The following MLF2 variants were observed in gnomAD, a reference collection of about 807,000 sequenced individuals.
MLF2 encodes myeloid leukemia factor 2.
MLF2 carries 12 observed loss-of-function variants against 31.4 expected under a neutral mutation model. The observed-to-expected ratio is 0.38, with a 90% CI of 0.24 to 0.62. The LOEUF (loss-of-function observed/expected upper bound fraction) is 0.62, where lower values mean the gene tolerates loss of function less well. Ranked by LOEUF, MLF2 falls within the 20% of genes least tolerant of loss-of-function variation. The pLI is 0.58. For missense variants in MLF2, 272 were observed against 359.7 expected (o/e 0.76, Z 1.97); for synonymous variants, 109 against 118.8 (o/e 0.92, Z 0.54).
chr12:6,749,159 G>A lies in MLF2; in HGVS notation c.560-177C>T, dbSNP rs74338185. On this transcript the variant is annotated intron_variant, in intron 7 of 8. Transcript: ENST00000203630. The surrounding 1 kb of genome is among the most constrained non-coding windows in gnomAD (Gnocchi z 5.3). The stretch of plus-strand genomic sequence containing the variant: ...TTCTGCACGGTCCCAGGAAGCCACC[G>A]GTAGGCGTAAGGTGGCCTACTGGAG... Among the ~76,000 whole-genome samples the A allele has an allele frequency of 3.6e-3, 541 of 152,362 alleles. 3 individuals are homozygous for A. Among genetic ancestry groups the A allele is most frequent in the Middle Eastern group, 0.02 (6 of 294 alleles).
chr12:6,752,250 G>A lies in MLF2; in HGVS notation c.50+35C>T, dbSNP rs1207008525. 1 of 1,556,988 alleles carries A rather than the reference G, an allele frequency of 6.4e-7. No individual in the cohort carries two copies. The highest frequency in any genetic ancestry group is 1.2e-5 in the South Asian group (1 of 84,770). Reference sequence around the variant, plus strand: ...GTCTGCCTGAACTGCTCAGAGACCTGGAGTGGGAGAGCTTGAGGGGGAGGG... The same window carrying A: ...GTCTGCCTGAACTGCTCAGAGACCTAGAGTGGGAGAGCTTGAGGGGGAGGG... On this transcript the variant is annotated intron_variant, in intron 2 of 8. Transcript: ENST00000203630. The surrounding 1 kb of genome is among the most constrained non-coding windows in gnomAD (Gnocchi z 4.6).
rs1941641160 is a variant in MLF2 at position 6,753,067 on chromosome 12, C to G, written c.-157G>C. The G allele has an allele frequency of 2.6e-6, 1 of 385,130 alleles. No individual in the cohort carries two copies. Among genetic ancestry groups the G allele is most frequent in the Non-Finnish European group, 4.6e-6 (1 of 217,970 alleles). 23.9% of individuals were successfully genotyped at this position (385,130 alleles called of 1,614,324 possible). On this transcript the variant is annotated 5_prime_UTR_variant, in exon 1 of 9. Transcript: ENST00000203630. ...AGCTCCTCGGCCTTCCACGCCGCCT[C>G]CTCCCACAGCTGCCACCTCCGTACG...
chr12:6,749,091 G>A lies in MLF2; in HGVS notation c.560-109C>T, dbSNP rs987965443. 46 of 1,190,276 alleles carry A rather than the reference G, an allele frequency of 3.9e-5. No individual in the cohort carries two copies. The highest frequency in any genetic ancestry group is 2.4e-4 in the Admixed American group (7 of 29,652). The allele number at this position is 1,190,276 out of a possible 1,614,324, so 73.7% of individuals were successfully genotyped here. A position where few individuals can be genotyped will look rare whatever the true frequency, so the allele number is the denominator to read the frequency against. The stretch of plus-strand genomic sequence containing the variant: ...CCAAAGCGGCGAAGGCTGAGTGTGC[G>A]TGCAGGGATGGGTGGGGTGGCAATT... On this transcript the variant is annotated intron_variant, in intron 7 of 8. Coordinates refer to ENST00000203630, the MANE Select transcript of MLF2 (RefSeq NM_001382226.1). This position sits in a 1 kb window ranked among gnomAD's most constrained non-coding sequence, Gnocchi z 5.3.
rs1308221112 is a variant in MLF2, at chr12:6,749,378, G to A, written c.560-396C>T. On this transcript the variant is annotated intron_variant, in intron 7 of 8. Transcript: ENST00000203630. This position sits in a 1 kb window ranked among gnomAD's most constrained non-coding sequence, Gnocchi z 5.3. ...CCTCACAAAGACACCGCCAGCACCT[G>A]ACTCCGCCCGAGCGGAGGAGGCTCC... Among the ~76,000 whole-genome samples, 1 of 152,230 alleles carries A rather than the reference G, an allele frequency of 6.6e-6. No individual in the cohort carries two copies. The highest frequency in any genetic ancestry group is 1.5e-5 in the Non-Finnish European group (1 of 68,040).
rs772514018 is a variant in MLF2 at position 6,750,040 on chromosome 12, G to A, written c.400-33C>T. ...GAGGCAGAACGTGGCACACTCAGCC[G>A]CCCCTTCCAAAGCCCTGCCTATACC... On this transcript the variant is annotated intron_variant, in intron 6 of 8. Coordinates refer to ENST00000203630, the MANE Select transcript of MLF2 (RefSeq NM_001382226.1). The surrounding 1 kb of genome is among the most constrained non-coding windows in gnomAD (Gnocchi z 5.3). The A allele has an allele frequency of 1.4e-5, 23 of 1,612,916 alleles. No homozygotes were observed. Among genetic ancestry groups the A allele is most frequent in the African/African-American group, 1.2e-4 (9 of 74,908 alleles).
rs1046753999 is a variant in MLF2 at position 6,749,130 on chromosome 12, T to C, written c.560-148A>G. The C allele has an allele frequency of 1.1e-6, 1 of 870,176 alleles. No homozygotes were observed. Among genetic ancestry groups the C allele is most frequent in the Non-Finnish European group, 1.7e-6 (1 of 597,992 alleles). 53.9% of individuals were successfully genotyped at this position (870,176 alleles called of 1,614,324 possible). A position where few individuals can be genotyped will look rare whatever the true frequency, so the allele number is the denominator to read the frequency against. On this transcript the variant is annotated intron_variant, in intron 7 of 8. Coordinates refer to ENST00000203630, the MANE Select transcript of MLF2 (RefSeq NM_001382226.1). The surrounding 1 kb of genome is among the most constrained non-coding windows in gnomAD (Gnocchi z 5.3). ...GGGGTGGCAATTCCCTTAGCTCTTT[T>C]GGTTTCTGCACGGTCCCAGGAAGCC... is the stretch of plus-strand genomic sequence containing the variant.
intron 4 of MLF2, 63 bp downstream of exon 4, chr12:6,751,578 G>C: frequency 6.5e-7 from 1 of 1,546,482 alleles, no homozygotes; most frequent in Non-Finnish European, 8.9e-7. Flanking sequence ...GCACATTTGG[G>C]AATAATATCT....
Position 6,749,060 on chromosome 12 carries a change from T to G in MLF2, c.560-78A>C. The G allele has an allele frequency of 1.4e-6, 2 of 1,428,586 alleles. No individual in the cohort carries two copies. The highest frequency in any genetic ancestry group is 1.8e-6 in the Non-Finnish European group (2 of 1,082,420). 88.5% of individuals were successfully genotyped at this position (1,428,586 alleles called of 1,614,324 possible). A position where few individuals can be genotyped will look rare whatever the true frequency, so the allele number is the denominator to read the frequency against. On this transcript the variant is annotated intron_variant, in intron 7 of 8. Transcript: ENST00000203630. The surrounding 1 kb of genome is among the most constrained non-coding windows in gnomAD (Gnocchi z 5.3). ...CCGATGTGCGAGCGAGCCACAGCTT[T>G]TCGGGCCAAAGCGGCGAAGGCTGAG...
In MLF2 at chr12:6,750,707, T is replaced by A. The variant is rs1389684977; in HGVS notation, c.270+6A>T. 3 of 1,613,906 alleles carry A rather than the reference T, an allele frequency of 1.9e-6. No individual in the cohort carries two copies. Among genetic ancestry groups the A allele is most frequent in the Non-Finnish European group, 1.7e-6 (2 of 1,179,860 alleles). On this transcript the variant is annotated splice_donor_region_variant and intron_variant, in intron 5 of 8. Transcript: ENST00000203630. This position sits in a 1 kb window ranked among gnomAD's most constrained non-coding sequence, Gnocchi z 5.3. Reference sequence around the variant, plus strand: ...AGGCCGGGGAAGGGTATGGGGCAAGTCTCACCATGTTTCCAATCATGTCAT... The same window carrying A: ...AGGCCGGGGAAGGGTATGGGGCAAGACTCACCATGTTTCCAATCATGTCAT...
chr12:6,748,828 G>T lies in MLF2; in HGVS notation c.714C>A (p.Ser238=). Residue 238 remains serine (S), a synonymous_variant, in exon 8 of 9, where the codon TCC becomes TCA. Transcript: ENST00000203630. The surrounding 1 kb of genome is among the most constrained non-coding windows in gnomAD (Gnocchi z 4.6). ...PRLAIQGPED[S]PSRQSRRYDW is the part of the protein sequence containing the mutation. ...CATAGCGGCGGGACTGTCGGGAAGG[G>T]GAGTCCTCAGGTCCCTGGATGGCCA... 1 of 1,554,648 alleles carries T rather than the reference G, an allele frequency of 6.4e-7. No homozygotes were observed. Among genetic ancestry groups the T allele is most frequent in the Non-Finnish European group, 8.6e-7 (1 of 1,158,524 alleles).
At position 6,750,091 on chromosome 12, in the gene MLF2, A is replaced by C; in HGVS notation, c.400-84T>G. ...ATCTCAGGATAAACACACCACACAC[A>C]ACCCAATCCGGAAAAAAGCAGCCAG... is the stretch of plus-strand genomic sequence containing the variant. On this transcript the variant is annotated intron_variant, in intron 6 of 8. Coordinates refer to ENST00000203630, the MANE Select transcript of MLF2 (RefSeq NM_001382226.1). This position sits in a 1 kb window ranked among gnomAD's most constrained non-coding sequence, Gnocchi z 5.3. 1 of 1,611,746 alleles carries C rather than the reference A, an allele frequency of 6.2e-7. No homozygotes were observed. Among genetic ancestry groups the C allele is most frequent in the Non-Finnish European group, 8.5e-7 (1 of 1,178,406 alleles).
intron 4 of MLF2, chr12:6,751,005 C>T (rs1419536816): frequency 2.0e-6 from 1 of 505,136 alleles, no homozygotes; most frequent in African/African-American, 1.9e-5. Context: ...CCTTCTCCTG[C>T]TTGCTATATT....
intron 4 of MLF2, 90 bp downstream of exon 4, chr12:6,751,551 G>A (rs1033271177): frequency 2.0e-5 from 28 of 1,426,480 alleles, no homozygotes; most frequent in Admixed American, 1.4e-4. Flanking sequence ...GGTTACTCAT[G>A]AAACTATTCC....
In MLF2 at chr12:6,750,118, G is replaced by A. The variant is rs201409108; in HGVS notation, c.399+59C>T. 1.0e-4 allele frequency: 167 copies of A among 1,613,016 alleles called. No homozygotes were observed. Among genetic ancestry groups the A allele is most frequent in the Middle Eastern group, 1.6e-4 (1 of 6,082 alleles). ...CCCAATCCGGAAAAAAGCAGCCAGG[G>A]TTTCTGGCGGTGCCGCTCAATCCTA... On this transcript the variant is annotated intron_variant, in intron 6 of 8. Coordinates refer to ENST00000203630, the MANE Select transcript of MLF2 (RefSeq NM_001382226.1). The surrounding 1 kb of genome is among the most constrained non-coding windows in gnomAD (Gnocchi z 5.3).
rs905601557 is a variant in MLF2 at position 6,749,075 on chromosome 12, C to T, written c.560-93G>A. 21 of 1,357,772 alleles carry T rather than the reference C, an allele frequency of 1.5e-5. No homozygotes were observed. The highest frequency in any genetic ancestry group is 3.2e-5 in the Admixed American group (1 of 30,912). The allele number at this position is 1,357,772 out of a possible 1,614,324, so 84.1% of individuals were successfully genotyped here. On this transcript the variant is annotated intron_variant, in intron 7 of 8. Coordinates refer to ENST00000203630, the MANE Select transcript of MLF2 (RefSeq NM_001382226.1). This position sits in a 1 kb window ranked among gnomAD's most constrained non-coding sequence, Gnocchi z 5.3. ...GCCACAGCTTTTCGGGCCAAAGCGGCGAAGGCTGAGTGTGCGTGCAGGGAT... is the reference window on the plus strand; with the variant it reads ...GCCACAGCTTTTCGGGCCAAAGCGGTGAAGGCTGAGTGTGCGTGCAGGGAT...
intron 4 of MLF2, 113 bp downstream of exon 4, chr12:6,751,526 AAG>A: frequency 8.1e-7 from 1 of 1,238,462 alleles, no homozygotes; most frequent in South Asian, 1.2e-5. Flanking sequence ...ATGCCATAAA[AAG>A]AGAAGATTCT....
At position 6,750,439 on chromosome 12, in the gene MLF2, A is replaced by C; in HGVS notation, c.271-134T>G. 8.1e-7 allele frequency: 1 copy of C among 1,240,900 alleles called. No homozygotes were observed. Among genetic ancestry groups the C allele is most frequent in the Non-Finnish European group, 1.1e-6 (1 of 898,836 alleles). The allele number at this position is 1,240,900 out of a possible 1,614,324, so 76.9% of individuals were successfully genotyped here. A position where few individuals can be genotyped will look rare whatever the true frequency, so the allele number is the denominator to read the frequency against. On this transcript the variant is annotated intron_variant, in intron 5 of 8. Coordinates refer to ENST00000203630, the MANE Select transcript of MLF2 (RefSeq NM_001382226.1). This position sits in a 1 kb window ranked among gnomAD's most constrained non-coding sequence, Gnocchi z 5.3. ...AAGAACTGAAAAAACATCAGGCCTC[A>C]TCATTACCCTCCCAAATTCCTCTGA...
intron 4 of MLF2, chr12:6,751,181 G>A (rs1298582615): frequency 7.7e-6 from 2 of 259,892 alleles, no homozygotes; most frequent in Non-Finnish European, 1.5e-5. Context: ...TTCCTAATGC[G>A]TATGAACTTC....
Position 6,748,487 on chromosome 12 carries a change from G to T in MLF2, c.*86C>A. On this transcript the variant is annotated 3_prime_UTR_variant, in exon 9 of 9. Transcript: ENST00000203630. The surrounding 1 kb of genome is among the most constrained non-coding windows in gnomAD (Gnocchi z 4.6). Reference sequence around the variant, plus strand: ...GCCTGTTAATTTAATATTAAATTGGGGATGGGAATCGAGAGGAAAAAGTTA... The same window carrying T: ...GCCTGTTAATTTAATATTAAATTGGTGATGGGAATCGAGAGGAAAAAGTTA... 1 of 277,256 alleles carries T rather than the reference G, an allele frequency of 3.6e-6. No individual in the cohort carries two copies. Among genetic ancestry groups the T allele is most frequent in the Non-Finnish European group, 6.6e-6 (1 of 150,448 alleles). The allele number at this position is 277,256 out of a possible 1,614,324, so 17.2% of individuals were successfully genotyped here.
Sources: allele counts gnomAD v4.1 joint callset (sites outside exome capture counted in the v4.1 genomes callset), GRCh38; gene constraint gnomAD v4.1.1; non-coding constraint Gnocchi (gnomAD v3.1); transcripts MANE v1.5; gene names NCBI Gene and HGNC (gene_info 2026-07-23, HGNC 2026-07-21).